The following PDE6G variants were observed in gnomAD, a reference collection of about 807,000 sequenced individuals.
PDE6G encodes rod cGMP 3',5'-cyclic phosphodiesterase subunit gamma.
Under a neutral mutation model 10.9 loss-of-function variants are expected in PDE6G, and 10 were observed. That is an observed-to-expected ratio of 0.91 (90% CI 0.56 to 1.55). The LOEUF is 1.55. PDE6G is among the 40% of genes most tolerant of loss of function. The probability of loss-of-function intolerance (pLI) is 0.00; values close to 1 mark genes in which losing one functional copy is unlikely to be tolerated. For synonymous variants in PDE6G, 41 were observed against 42.8 expected, an observed-to-expected ratio of 0.96 and a Z score of 0.16; for missense variants, 102 against 110.1, an observed-to-expected ratio of 0.93 and a Z score of 0.33.
rs1240841783 is a variant in PDE6G at position 81,650,696 on chromosome 17, G to A, written c.*378C>T. ...GGGGGCTGGGGTGCAGAAGCACTCTGGGGAGACCTGCCCTAGCTTTCCAGC... is the reference window on the plus strand; with the variant it reads ...GGGGGCTGGGGTGCAGAAGCACTCTAGGGAGACCTGCCCTAGCTTTCCAGC... On this transcript the variant is annotated 3_prime_UTR_variant, in exon 4 of 4. Transcript: ENST00000331056. 4.4e-6 allele frequency: 2 copies of A among 458,650 alleles called. No homozygotes were observed. Among genetic ancestry groups the A allele is most frequent in the African/African-American group, 4.0e-5 (2 of 50,230 alleles). 28.4% of individuals were successfully genotyped at this position (458,650 alleles called of 1,614,324 possible).
Position 81,653,232 on chromosome 17 carries a change from T to C in PDE6G, c.74A>G (p.Lys25Arg), listed in dbSNP as rs113370432. ...TCGCTGCTTAAATTTAGGGGGCCCT[T>C]TCCTGGGGGTGACAGGTCCCCCGGC... ...RVAGGPVTPRKGPPKFKQRQT... is the reference protein window; with the variant it reads ...RVAGGPVTPRRGPPKFKQRQT... Residue 25 changes from lysine to arginine, a missense_variant, in exon 2 of 4, where the codon AAA becomes AGA. Lys to Arg is a conservative substitution (Grantham distance 26). Coordinates refer to ENST00000331056, the MANE Select transcript of PDE6G (RefSeq NM_002602.4). The surrounding 1 kb of genome is among the most constrained non-coding windows in gnomAD (Gnocchi z 5.2). 290 of 1,613,866 alleles carry C rather than the reference T, an allele frequency of 1.8e-4. 1 individual carries two copies. In the African/African-American group the frequency reaches 3.6e-3, roughly 20 times the overall value.
In PDE6G at chr17:81,650,731, G is replaced by T; in HGVS notation, c.*343C>A. 2.2e-6 allele frequency: 1 copy of T among 464,338 alleles called. No homozygotes were observed. The highest frequency in any genetic ancestry group is 4.3e-6 in the Non-Finnish European group (1 of 233,028). 28.8% of individuals were successfully genotyped at this position (464,338 alleles called of 1,614,324 possible). Reference sequence around the variant, plus strand: ...GCCCTAGCTTTCCAGCTGGGAGGAGGGGACGATCTGGGGTCCAGCAGGCTC... The same window carrying T: ...GCCCTAGCTTTCCAGCTGGGAGGAGTGGACGATCTGGGGTCCAGCAGGCTC... On this transcript the variant is annotated 3_prime_UTR_variant, in exon 4 of 4. Coordinates refer to ENST00000331056, the MANE Select transcript of PDE6G (RefSeq NM_002602.4).
chr17:81,650,713 C>T lies in PDE6G; in HGVS notation c.*361G>A, dbSNP rs2036335332. 1 of 459,474 alleles carries T rather than the reference C, an allele frequency of 2.2e-6. No individual in the cohort carries two copies. The highest frequency in any genetic ancestry group is 1.6e-5 in the South Asian group (1 of 64,208). 28.5% of individuals were successfully genotyped at this position (459,474 alleles called of 1,614,324 possible). A position where few individuals can be genotyped will look rare whatever the true frequency, so the allele number is the denominator to read the frequency against. ...AGCACTCTGGGGAGACCTGCCCTAG[C>T]TTTCCAGCTGGGAGGAGGGGACGAT... On this transcript the variant is annotated 3_prime_UTR_variant, in exon 4 of 4. Coordinates refer to ENST00000331056, the MANE Select transcript of PDE6G (RefSeq NM_002602.4).
intron 1 of PDE6G, 131 bp downstream of exon 1, chr17:81,656,362 C>T (rs2144408350): frequency 1.5e-6 from 1 of 651,682 alleles, no homozygotes; most frequent in African/African-American, 1.8e-5. Flanking sequence ...TAGGCATCTG[C>T]AGACCCAGAC....
In PDE6G at chr17:81,650,531, G is replaced by A. The variant is rs1213404295; in HGVS notation, c.*543C>T. On this transcript the variant is annotated 3_prime_UTR_variant, in exon 4 of 4. Transcript: ENST00000331056. ...GCTGTATTGAGAAGGATGGCCCCCT[G>A]GTGTGATGAGCTTGGGGCCTCATCT... is the stretch of plus-strand genomic sequence containing the variant. 2.2e-6 allele frequency: 1 copy of A among 454,098 alleles called. No individual in the cohort carries two copies. The highest frequency in any genetic ancestry group is 1.6e-5 in the South Asian group (1 of 64,482). The allele number at this position is 454,098 out of a possible 1,614,324, so 28.1% of individuals were successfully genotyped here.
rs368835071 is a variant in PDE6G, at chr17:81,651,620, G to A, written c.187+25C>T. 1.6e-5 allele frequency: 25 copies of A among 1,612,876 alleles called. No homozygotes were observed. Among genetic ancestry groups the A allele is most frequent in the African/African-American group, 1.5e-4 (11 of 74,870 alleles). The stretch of plus-strand genomic sequence containing the variant: ...GCCTGGGGGGACCTGGGCAGACCTC[G>A]GGTTGGTACTGGCAGCCGTCATACC... On this transcript the variant is annotated intron_variant, in intron 3 of 3. Transcript: ENST00000331056. This position sits in a 1 kb window ranked among gnomAD's most constrained non-coding sequence, Gnocchi z 4.8.
At chr17:81,655,231 G>A (rs370128104) in intron 1 of PDE6G, among the ~76,000 whole-genome samples, 12 of 152,308 alleles carry the variant, frequency 7.9e-5, no homozygotes, top group African/African-American at 1.9e-4. Flanking sequence ...GGGGGGCAGG[G>A]TCCCCAGGCA....
upstream of PDE6G, among the ~76,000 whole-genome samples, chr17:81,657,381 C>A (rs989127840): frequency 1.3e-5 from 2 of 152,284 alleles, no homozygotes; most frequent in South Asian, 4.2e-4. Context: ...GCCATGCCCA[C>A]AACCCAGAGC....
intron 1 of PDE6G, among the ~76,000 whole-genome samples, chr17:81,662,858 A>T (rs954358593): frequency 1.3e-5 from 2 of 151,828 alleles, no homozygotes; most frequent in Non-Finnish European, 2.9e-5. Flanking sequence ...AATTAGCTGG[A>T]TGTGGTGGCA....
intron 1 of PDE6G, among the ~76,000 whole-genome samples, chr17:81,655,804 C>T (rs1342012045): frequency 1.3e-5 from 2 of 151,936 alleles, no homozygotes; most frequent in African/African-American, 4.8e-5. Context: ...CCCTGGGCTA[C>T]TACCAGCTGT....
rs1212770619 is a variant in PDE6G, at chr17:81,653,798, C to T, written c.-59-434G>A. 6.0e-6 allele frequency: 1 copy of T among 166,198 alleles called. No homozygotes were observed. The highest frequency in any genetic ancestry group is 5.8e-5 in the Admixed American group (1 of 17,336). 10.3% of individuals were successfully genotyped at this position (166,198 alleles called of 1,614,324 possible). A position where few individuals can be genotyped will look rare whatever the true frequency, so the allele number is the denominator to read the frequency against. On this transcript the variant is annotated intron_variant, in intron 1 of 3. Coordinates refer to ENST00000331056, the MANE Select transcript of PDE6G (RefSeq NM_002602.4). The surrounding 1 kb of genome is among the most constrained non-coding windows in gnomAD (Gnocchi z 5.2). The stretch of plus-strand genomic sequence containing the variant: ...CTCCCGTCGGCATTTAACTGCTACT[C>T]TGGGTTTTTTTTTGTTTTGTTTTGT...
upstream of PDE6G, among the ~76,000 whole-genome samples, chr17:81,659,667 A>T (rs1373898886): frequency 6.6e-6 from 1 of 152,212 alleles, no homozygotes; most frequent in East Asian, 1.9e-4. Context: ...GTCGTTCACC[A>T]CATTTTCATA....
Position 81,653,317 on chromosome 17 carries a change from C to T in PDE6G, c.-12G>A, listed in dbSNP as rs777531217. 1.2e-6 allele frequency: 2 copies of T among 1,611,502 alleles called. No homozygotes were observed. The highest frequency in any genetic ancestry group is 1.3e-5 in the African/African-American group (1 of 74,996). On this transcript the variant is annotated 5_prime_UTR_variant, in exon 2 of 4. Coordinates refer to ENST00000331056, the MANE Select transcript of PDE6G (RefSeq NM_002602.4). This position sits in a 1 kb window ranked among gnomAD's most constrained non-coding sequence, Gnocchi z 5.2. ...GGTTCCAGGTTCATGGTGAGGCTGACGGAGACACCGCGGCAACCTTGGCTC... is the reference window on the plus strand; with the variant it reads ...GGTTCCAGGTTCATGGTGAGGCTGATGGAGACACCGCGGCAACCTTGGCTC...
At chr17:81,656,028 C>T (rs757047418) in intron 1 of PDE6G, among the ~76,000 whole-genome samples, 1 of 151,974 alleles carries the variant, frequency 6.6e-6, no homozygotes, top group Non-Finnish European at 1.5e-5. Flanking sequence ...CCCAGCTGCT[C>T]AGATCCCATG....
upstream of PDE6G, among the ~76,000 whole-genome samples, chr17:81,658,035 T>C (rs768254913): frequency 1.7e-4 from 25 of 150,584 alleles, no homozygotes; most frequent in Non-Finnish European, 3.0e-4. Context: ...GACCCCCCCA[T>C]CTCTACAAAA....
rs554375758 is a variant in PDE6G at position 81,651,150 on chromosome 17, T to C, written c.188A>G (p.Asp63Gly). Residue 63 changes from aspartate (D) to glycine (G), a missense_variant and splice_region_variant, in exon 4 of 4, where the codon GAC becomes GGC. Asp to Gly is a moderately conservative substitution (Grantham distance 94). Transcript: ENST00000331056. The surrounding 1 kb of genome is among the most constrained non-coding windows in gnomAD (Gnocchi z 4.8). Reference protein sequence around the residue: ...DIPGMEGLGTDITVICPWEAF... With the variant: ...DIPGMEGLGTGITVICPWEAF... ...CTCCCAAGGGCAGATGACTGTGATG[T>C]CTGTGGGAGAAACGGGCCACGGATC... 5.0e-6 allele frequency: 8 copies of C among 1,612,466 alleles called. No individual in the cohort carries two copies. In the South Asian group the frequency reaches 8.8e-5, roughly 18 times the overall value.
In PDE6G at chr17:81,653,296, C is replaced by T. The variant is rs761084031; in HGVS notation, c.10G>A (p.Glu4Lys). 1.2e-6 allele frequency: 2 copies of T among 1,613,366 alleles called. No homozygotes were observed. Among genetic ancestry groups the T allele is most frequent in the Admixed American group, 1.7e-5 (1 of 59,988 alleles). ...GACCGGAACTCAGCCTTGGGCGGTT[C>T]CAGGTTCATGGTGAGGCTGACGGAG... MNLEPPKAEFRSAT... is the reference protein window; with the variant it reads MNLKPPKAEFRSAT... The change falls in exon 2 of 4, where the codon GAA becomes AAA. Residue 4 changes from glutamate (E) to lysine (K), a missense_variant. By Grantham distance (56) the Glu-to-Lys change is moderately conservative. Transcript: ENST00000331056. The surrounding 1 kb of genome is among the most constrained non-coding windows in gnomAD (Gnocchi z 5.2).
upstream of PDE6G, among the ~76,000 whole-genome samples, chr17:81,660,072 C>A (rs547065007): frequency 6.6e-6 from 1 of 151,430 alleles, no homozygotes; most frequent in African/African-American, 2.4e-5. Flanking sequence ...GCAACAAGAG[C>A]GAAACTTCAT....
At chr17:81,658,562 C>T (rs975414478), upstream of PDE6G, among the ~76,000 whole-genome samples, 8 of 151,074 alleles carry the variant, frequency 5.3e-5, no homozygotes, top group East Asian at 1.0e-3. Flanking sequence ...AAAACCTGGA[C>T]GGGCATGGTG....
Sources: allele counts gnomAD v4.1 joint callset (sites outside exome capture counted in the v4.1 genomes callset), GRCh38; gene constraint gnomAD v4.1.1; non-coding constraint Gnocchi (gnomAD v3.1); transcripts MANE v1.5; gene names NCBI Gene and HGNC (gene_info 2026-07-23, HGNC 2026-07-21).